The following PIK3R3 variants were observed in gnomAD, a reference collection of about 807,000 sequenced individuals.
PIK3R3 encodes phosphoinositide-3-kinase regulatory subunit 3.
A neutral mutation model predicts 62.9 loss-of-function variants in PIK3R3; 64 were observed. The ratio of observed to expected loss-of-function variants is 1.02; its 90% CI spans 0.83 to 1.25. The LOEUF (loss-of-function observed/expected upper bound fraction) is 1.25. Ranked by LOEUF, PIK3R3 falls within the 50% of genes most tolerant of loss-of-function variation. The pLI is 0.00. For missense variants in PIK3R3, 614 were observed against 561.6 expected, an observed-to-expected ratio of 1.09 and a Z score of -0.94; for synonymous variants, 165 against 189.0, an observed-to-expected ratio of 0.87 and a Z score of 1.04.
chr1:46,173,595 C>T, the PIK3R3 span, among the ~76,000 whole-genome samples: 1 of 152,156 alleles, frequency 6.6e-6, no homozygotes, highest in East Asian at 1.9e-4. Context: ...GAGTGGGCTG[C>T]ACCCGCTCAT....
At chr1:46,132,977 G>C, upstream of PIK3R3, 1 of 1,103,250 alleles carries the variant, frequency 9.1e-7, no homozygotes, top group Non-Finnish European at 1.1e-6. Context: ...CGAGCCAGGC[G>C]AGGAGGGAGT....
intron 1 of PIK3R3, among the ~76,000 whole-genome samples, chr1:46,122,077 A>AAAAATAAAAT (rs370230345): frequency 1.3e-5 from 2 of 152,128 alleles, no homozygotes; most frequent in Admixed American, 1.3e-4. Context: ...ACTCCATCTC[A>AAAAATAAAAT]AAAATAAAAT....
intron 1 of PIK3R3, among the ~76,000 whole-genome samples, chr1:46,119,996 G>A (rs189633346): frequency 2.0e-5 from 3 of 151,984 alleles, no homozygotes; most frequent in Non-Finnish European, 2.9e-5. Flanking sequence ...CAGTCTGGAC[G>A]GCTCCTAATT....
Position 46,132,600 on chromosome 1 carries a change from G to C in PIK3R3, c.-648C>G, listed in dbSNP as rs952076592. ...CCCGCCGGGGTGTAAGAACCAACCCGACCGCACCAACTGCCCTCAAGCTCT... is the reference window on the plus strand; with the variant it reads ...CCCGCCGGGGTGTAAGAACCAACCCCACCGCACCAACTGCCCTCAAGCTCT... On this transcript the variant is annotated 5_prime_UTR_variant, in exon 1 of 10. Coordinates refer to ENST00000262741, the MANE Select transcript of PIK3R3 (RefSeq NM_003629.4). The C allele has an allele frequency of 8.5e-6, 11 of 1,288,934 alleles. No homozygotes were observed. In the African/African-American group the frequency reaches 1.5e-4, roughly 18 times the overall value. 79.8% of individuals were successfully genotyped at this position (1,288,934 alleles called of 1,614,324 possible).
chr1:46,152,453 C>T, the PIK3R3 span, among the ~76,000 whole-genome samples: 53 of 152,058 alleles, frequency 3.5e-4, no homozygotes, highest in East Asian at 8.5e-3. Context: ...ACTAGGCCAA[C>T]GATTTTAGTG....
At chr1:46,070,474 C>T (rs1040584362) in intron 3 of PIK3R3, among the ~76,000 whole-genome samples, 1 of 152,096 alleles carries the variant, frequency 6.6e-6, no homozygotes, top group Non-Finnish European at 1.5e-5. Context: ...GAAAGGCTGT[C>T]CTTTAAAAGA....
chr1:46,126,447 A>G (rs1655100269), intron 1 of PIK3R3, among the ~76,000 whole-genome samples: 1 of 151,720 alleles, frequency 6.6e-6, no homozygotes, highest in Non-Finnish European at 1.5e-5. Flanking sequence ...CTGAGGCAGG[A>G]GAATTGCATG....
At chr1:46,109,777 C>T in intron 1 of PIK3R3, among the ~76,000 whole-genome samples, 1 of 152,062 alleles carries the variant, frequency 6.6e-6, no homozygotes, top group African/African-American at 2.4e-5. Flanking sequence ...CTACCACGCC[C>T]GACCAATCTC....
At position 46,040,179 on chromosome 1, in the gene PIK3R3, G is replaced by A. The variant is rs1054575949; in HGVS notation, c.*3494C>T. On this transcript the variant is annotated 3_prime_UTR_variant, in exon 10 of 10. Coordinates refer to ENST00000262741, the MANE Select transcript of PIK3R3 (RefSeq NM_003629.4). ...TGTCTTTATTGCATTACTGGAGCAAGTTGGCCAGACTGTCCCCTCTTGGGG... is the reference window on the plus strand; with the variant it reads ...TGTCTTTATTGCATTACTGGAGCAAATTGGCCAGACTGTCCCCTCTTGGGG... 1.5e-4 allele frequency: 30 copies of A among 206,790 alleles called. No individual in the cohort carries two copies. Among genetic ancestry groups the A allele is most frequent in the Non-Finnish European group, 2.5e-4 (26 of 102,084 alleles). The allele number at this position is 206,790 out of a possible 1,614,324, so 12.8% of individuals were successfully genotyped here.
chr1:46,140,665 A>G, the PIK3R3 span, among the ~76,000 whole-genome samples: 21 of 152,266 alleles, frequency 1.4e-4, no homozygotes, highest in East Asian at 2.1e-3. Flanking sequence ...TGATATATCT[A>G]TAAGGCAAGG....
upstream of PIK3R3, among the ~76,000 whole-genome samples, chr1:46,133,218 A>AAAAG (rs986393293): frequency 8.5e-5 from 13 of 152,330 alleles, no homozygotes; most frequent in South Asian, 8.3e-4. Flanking sequence ...AGGAGGAAAA[A>AAAAG]AAAGAAAGAA....
At chr1:46,096,667 C>CA (rs1165747785) in intron 1 of PIK3R3, among the ~76,000 whole-genome samples, 5 of 151,988 alleles carry the variant, frequency 3.3e-5, no homozygotes, top group African/African-American at 1.2e-4. Flanking sequence ...GGGAGACGGG[C>CA]AGGCCGATCA....
At chr1:46,102,914 A>G (rs1219840824) in intron 1 of PIK3R3, among the ~76,000 whole-genome samples, 1 of 152,044 alleles carries the variant, frequency 6.6e-6, no homozygotes, top group East Asian at 1.9e-4. Context: ...AAGAGGTGGA[A>G]GCAACCCAAA....
intron 1 of PIK3R3, among the ~76,000 whole-genome samples, chr1:46,112,756 G>C (rs1043259295): frequency 6.6e-6 from 1 of 152,096 alleles, no homozygotes; most frequent in African/African-American, 2.4e-5. Flanking sequence ...AGTAGCAGAA[G>C]CCACTCTCCT....
At chr1:46,049,500 G>A (rs1335268470) in intron 7 of PIK3R3, among the ~76,000 whole-genome samples, 1 of 152,234 alleles carries the variant, frequency 6.6e-6, no homozygotes, top group Non-Finnish European at 1.5e-5. Flanking sequence ...CTCAGGCACA[G>A]GGCATCCTGG....
chr1:46,161,119 T>G, the PIK3R3 span, among the ~76,000 whole-genome samples: 4 of 152,056 alleles, frequency 2.6e-5, no homozygotes, highest in African/African-American at 9.7e-5. Context: ...ATTTTTTTTT[T>G]GTCAGGGTCT....
chr1:46,080,515 C>T, intron 2 of PIK3R3, 127 bp downstream of exon 2: 1 of 683,556 alleles, frequency 1.5e-6, no homozygotes, highest in Non-Finnish European at 2.6e-6. Context: ...TCAGCCTCAG[C>T]CTCCTGAGTT....
chr1:46,137,433 A>G (rs2149485617), upstream of PIK3R3, among the ~76,000 whole-genome samples: 1 of 152,372 alleles, frequency 6.6e-6, no homozygotes, highest in Non-Finnish European at 1.5e-5. Context: ...TTCCTGGAAG[A>G]GGTGACATTT....
upstream of PIK3R3, chr1:46,132,784 C>A (rs1242873141): frequency 4.7e-6 from 6 of 1,268,040 alleles, no homozygotes; most frequent in Middle Eastern, 4.4e-4. Context: ...CTCGATGTAC[C>A]GGGATTCTGT....
Sources: allele counts gnomAD v4.1 joint callset (sites outside exome capture counted in the v4.1 genomes callset), GRCh38; gene constraint gnomAD v4.1.1; transcripts MANE v1.5; gene names NCBI Gene and HGNC (gene_info 2026-07-23, HGNC 2026-07-21).